Variants in SPC25 observed in about 807,000 individuals in gnomAD.
SPC25 encodes the protein kinetochore protein Spc25.
Under a neutral mutation model 29.6 loss-of-function variants are expected in SPC25, and 22 were observed. The ratio of observed to expected loss-of-function variants is 0.74; its 90% CI spans 0.53 to 1.06. SPC25 has a LOEUF of 1.06. Among genes scored for constraint, SPC25 ranks in the 50% least tolerant of loss-of-function variants. The probability of loss-of-function intolerance (pLI) is 0.00; values close to 1 mark genes in which losing one functional copy is unlikely to be tolerated. For synonymous variants in SPC25, 91 were observed against 90.4 expected (o/e 1.01, Z -0.04); for missense variants, 230 against 255.8 (o/e 0.90, Z 0.69).
At chr2:168,863,616 T>C (rs1689626497) in intron 4 of SPC25, 15 of 985,292 alleles carry the variant, frequency 1.5e-5, no homozygotes, top group Non-Finnish European at 1.7e-5. Context: ...GTTGTCTAAG[T>C]TGTTGAATGG....
intron 6 of SPC25, among the ~76,000 whole-genome samples, chr2:168,871,960 T>TAA (rs35221029): frequency 4.2e-3 from 605 of 144,152 alleles, no homozygotes; most frequent in African/African-American, 0.012. Context: ...CCACTGGAAT[T>TAA]AAAAAAAAAA....
At chr2:168,865,708 T>TATC (rs973366396) in intron 4 of SPC25, among the ~76,000 whole-genome samples, 1 of 152,226 alleles carries the variant, frequency 6.6e-6, no homozygotes, top group Non-Finnish European at 1.5e-5. Flanking sequence ...CATGATTGTA[T>TATC]ATCTAGAAAA....
intron 4 of SPC25, chr2:168,863,367 T>C: frequency 2.0e-6 from 2 of 979,148 alleles, no homozygotes; most frequent in Non-Finnish European, 2.4e-6. Flanking sequence ...AATAATTTCC[T>C]TTGTCTTAGA....
At chr2:168,863,922 T>A (rs1574349746) in intron 4 of SPC25, among the ~76,000 whole-genome samples, 1 of 152,082 alleles carries the variant, frequency 6.6e-6, no homozygotes, top group South Asian at 2.1e-4. Context: ...TTTTTATTTT[T>A]TTTTTTGAGG....
At chr2:168,865,635 G>A (rs1689819418) in intron 4 of SPC25, 2 of 152,186 alleles carry the variant, frequency 1.3e-5, no homozygotes, top group South Asian at 4.1e-4. Context: ...TCAGGCAGGA[G>A]AAGGAAATAA....
chr2:168,865,545 C>T (rs1262212003), intron 4 of SPC25: 3 of 152,576 alleles, frequency 2.0e-5, no homozygotes, highest in African/African-American at 7.2e-5. Flanking sequence ...GGAAGCATTC[C>T]CTTTGAAAAC....
At chr2:168,863,481 T>C (rs894670490) in intron 4 of SPC25, 3 of 985,278 alleles carry the variant, frequency 3.0e-6, no homozygotes, top group African/African-American at 1.7e-5. Context: ...CAGATGATCC[T>C]GAAGGGGGCA....
At chr2:168,866,782 A>AC, downstream of SPC25, among the ~76,000 whole-genome samples, 1 of 35,494 alleles carries the variant, frequency 2.8e-5, no homozygotes, top group Non-Finnish European at 4.5e-5. Flanking sequence ...ATTTACAAGA[A>AC]AAAAACAACC....
At chr2:168,866,830 G>C (rs368729007), downstream of SPC25, among the ~76,000 whole-genome samples, 2 of 151,718 alleles carry the variant, frequency 1.3e-5, no homozygotes, top group African/African-American at 4.8e-5. Flanking sequence ...ACAGACACTT[G>C]TCAAAAGAAG....
intron 4 of SPC25, among the ~76,000 whole-genome samples, chr2:168,862,348 G>A (rs779239409): frequency 6.6e-6 from 1 of 152,232 alleles, no homozygotes; most frequent in Non-Finnish European, 1.5e-5. Context: ...TACACAGGAA[G>A]GTTAGGTGCT....
At chr2:168,890,255 A>G in intron 1 of SPC25, 63 bp downstream of exon 1, 1 of 879,726 alleles carries the variant, frequency 1.1e-6, no homozygotes, top group Non-Finnish European at 1.4e-6. Context: ...CCGCCCTCAA[A>G]TTCACTTTCC....
In SPC25 at chr2:168,890,401, C is replaced by A; in HGVS notation, c.-98G>T. 1 of 985,538 alleles carries A rather than the reference C, an allele frequency of 1.0e-6. No individual in the cohort carries two copies. The highest frequency in any genetic ancestry group is 1.2e-6 in the Non-Finnish European group (1 of 830,002). The allele number at this position is 985,538 out of a possible 1,614,324, so 61.0% of individuals were successfully genotyped here. ...GCCAACAGCCGGACTCTAGGCTCAG[C>A]TCCCGCAGCCCCGCCAACTTTCCGA... On this transcript the variant is annotated 5_prime_UTR_variant, in exon 1 of 7. Coordinates refer to ENST00000282074, the MANE Select transcript of SPC25 (RefSeq NM_020675.4).
intron 6 of SPC25, 113 bp from the exon 7 acceptor site, chr2:168,871,668 T>C: frequency 1.0e-6 from 1 of 998,570 alleles, no homozygotes; most frequent in East Asian, 2.7e-5. Context: ...TCCATCTTAA[T>C]GAAATTCTTT....
At chr2:168,861,755 CAT>C (rs1466618655) in intron 4 of SPC25, among the ~76,000 whole-genome samples, 2 of 152,172 alleles carry the variant, frequency 1.3e-5, no homozygotes, top group African/African-American at 4.8e-5. Flanking sequence ...GGTTATATAA[CAT>C]ATGCAGTCCA....
At chr2:168,869,622 A>G (rs560128874), downstream of SPC25, among the ~76,000 whole-genome samples, 122 of 152,324 alleles carry the variant, frequency 8.0e-4, 1 homozygote, top group African/African-American at 2.6e-3. Flanking sequence ...TTCAAAGAGA[A>G]TAAAATACCT....
At chr2:168,870,618 A>G (rs1689961279), downstream of SPC25, among the ~76,000 whole-genome samples, 2 of 151,652 alleles carry the variant, frequency 1.3e-5, no homozygotes, top group African/African-American at 2.4e-5. Context: ...GCTCATCATC[A>G]CTGGCCATCA....
At chr2:168,861,962 C>G (rs761457159) in intron 4 of SPC25, 1 of 1,614,030 alleles carries the variant, frequency 6.2e-7, no homozygotes, top group South Asian at 1.1e-5. Context: ...TATTTCAGCC[C>G]CTGGTGCAGC....
intron 3 of SPC25, among the ~76,000 whole-genome samples, chr2:168,879,305 C>G (rs1209916070): frequency 6.6e-6 from 1 of 152,238 alleles, no homozygotes; most frequent in Non-Finnish European, 1.5e-5. Flanking sequence ...TCAGTCTTCT[C>G]AAACCCTGCG....
intron 5 of SPC25, among the ~76,000 whole-genome samples, chr2:168,874,634 T>C (rs907209233): frequency 2.6e-5 from 4 of 152,146 alleles, no homozygotes; most frequent in African/African-American, 9.7e-5. Flanking sequence ...CTCAGGGCTA[T>C]GATTTATTAC....
Sources: allele counts gnomAD v4.1 joint callset (sites outside exome capture counted in the v4.1 genomes callset), GRCh38; gene constraint gnomAD v4.1.1; transcripts MANE v1.5; gene names NCBI Gene and HGNC (gene_info 2026-07-23, HGNC 2026-07-21).